The following MAML2 variants were observed in gnomAD, a reference collection of about 807,000 sequenced individuals.
MAML2 encodes mastermind-like protein 2.
Under a neutral mutation model 96.1 loss-of-function variants are expected in MAML2, and 22 were observed. The ratio of observed to expected loss-of-function variants is 0.23; its 90% CI spans 0.16 to 0.33. The LOEUF (loss-of-function observed/expected upper bound fraction) is 0.33. MAML2 is among the 10% of genes least tolerant of loss of function. The probability of loss-of-function intolerance (pLI) is 1.00; values close to 1 mark genes in which losing one functional copy is unlikely to be tolerated. For missense variants in MAML2, 1,367 were observed against 1,392.4 expected, an observed-to-expected ratio of 0.98 and a Z score of 0.29; for synonymous variants, 561 against 521.3, an observed-to-expected ratio of 1.08 and a Z score of -1.04.
At chr11:95,993,935 T>C (rs747296270) in intron 2 of MAML2, among the ~76,000 whole-genome samples, 1 of 152,218 alleles carries the variant, frequency 6.6e-6, no homozygotes, top group African/African-American at 2.4e-5. Context: ...CTTGTATTAT[T>C]AACCCAACTT....
chr11:96,079,696 T>A (rs1027398128), intron 2 of MAML2, among the ~76,000 whole-genome samples: 1 of 152,150 alleles, frequency 6.6e-6, no homozygotes, highest in Non-Finnish European at 1.5e-5. Context: ...TCTAACACTT[T>A]CCCCTTCACA....
chr11:95,989,205 A>C (rs1193513711), intron 3 of MAML2, among the ~76,000 whole-genome samples: 1 of 152,278 alleles, frequency 6.6e-6, no homozygotes, highest in Non-Finnish European at 1.5e-5. Context: ...TTGCCAACTG[A>C]CTGCAAATGA....
intron 1 of MAML2, among the ~76,000 whole-genome samples, chr11:96,329,068 A>G (rs1318453201): frequency 1.3e-5 from 2 of 152,178 alleles, no homozygotes; most frequent in Non-Finnish European, 2.9e-5. Context: ...AAGAGGCTCT[A>G]CAGAATATTT....
chr11:96,251,430 AGT>A (rs1456414387), intron 1 of MAML2, among the ~76,000 whole-genome samples: 1 of 152,208 alleles, frequency 6.6e-6, no homozygotes, highest in African/African-American at 2.4e-5. Context: ...TTTATGGGAA[AGT>A]GTATTGTGAG....
rs546246324 is a variant in MAML2 at position 96,282,248 on chromosome 11, C to CAA, written c.513+59133_513+59134dup. Among the ~76,000 whole-genome samples the CAA allele has an allele frequency of 5.1e-5, 7 of 136,946 alleles. 1 individual carries two copies. The highest frequency in any genetic ancestry group is 8.1e-5 in the Non-Finnish European group (5 of 61,750). 89.8% of individuals were successfully genotyped at this position (136,946 alleles called of 152,430 possible). The stretch of plus-strand genomic sequence containing the variant: ...TGGGCGACAGAGCAAGACTCCATCT[C>CAA]AAAAAAAAAATAATAATAATAATAA... On this transcript the variant is annotated intron_variant, in intron 1 of 4. Coordinates refer to ENST00000524717, the MANE Select transcript of MAML2 (RefSeq NM_032427.4).
chr11:96,041,287 T>A (rs1224746272), intron 2 of MAML2, among the ~76,000 whole-genome samples: 1 of 149,726 alleles, frequency 6.7e-6, no homozygotes, highest in Admixed American at 6.7e-5. Context: ...GGTCAGGAGT[T>A]CAAGACCAGC....
intron 1 of MAML2, among the ~76,000 whole-genome samples, chr11:96,143,983 C>G (rs1860773962): frequency 6.6e-6 from 1 of 152,156 alleles, no homozygotes; most frequent in Admixed American, 6.5e-5. Flanking sequence ...CACAATTGCA[C>G]TAAGTATCAT....
intron 2 of MAML2, among the ~76,000 whole-genome samples, chr11:96,082,330 A>G (rs1167051127): frequency 6.6e-6 from 1 of 152,204 alleles, no homozygotes; most frequent in Non-Finnish European, 1.5e-5. Flanking sequence ...ACAGTATGGT[A>G]AGAACTATAC....
At chr11:96,289,511 C>T (rs947237040) in intron 1 of MAML2, among the ~76,000 whole-genome samples, 1 of 152,166 alleles carries the variant, frequency 6.6e-6, no homozygotes, top group African/African-American at 2.4e-5. Flanking sequence ...TTTAATGCAT[C>T]TATAAATGTA....
At chr11:96,221,352 C>T (rs375001648) in intron 1 of MAML2, among the ~76,000 whole-genome samples, 7 of 152,218 alleles carry the variant, frequency 4.6e-5, no homozygotes, top group African/African-American at 1.2e-4. Context: ...TCAGAGATAG[C>T]GCTGGGCCTT....
chr11:96,153,536 G>T (rs974045784), intron 1 of MAML2, among the ~76,000 whole-genome samples: 1 of 152,072 alleles, frequency 6.6e-6, no homozygotes, highest in Admixed American at 6.6e-5. Flanking sequence ...GATTACTGAG[G>T]TTTTTGACAT....
At chr11:95,989,136 G>C (rs1857871626) in intron 3 of MAML2, among the ~76,000 whole-genome samples, 1 of 152,184 alleles carries the variant, frequency 6.6e-6, no homozygotes, top group South Asian at 2.1e-4. Flanking sequence ...GAGAATAATA[G>C]AGAATAAGGA....
Position 96,017,644 on chromosome 11 carries a change from G to T in MAML2, c.2140-25921C>A, listed in dbSNP as rs116964698. 3.0e-4 allele frequency among the ~76,000 whole-genome samples: 46 copies of T among 152,254 alleles called. No individual in the cohort carries two copies. In the East Asian group the frequency reaches 8.7e-3, roughly 29 times the overall value. ...GCTGGTACAGGTAGGAGTGGGTAGG[G>T]TGAGCAGAGAAGACTTCTAGGATAA... On this transcript the variant is annotated intron_variant, in intron 2 of 4. Coordinates refer to ENST00000524717, the MANE Select transcript of MAML2 (RefSeq NM_032427.4).
At chr11:96,331,971 G>C (rs1863860418) in intron 1 of MAML2, among the ~76,000 whole-genome samples, 1 of 152,180 alleles carries the variant, frequency 6.6e-6, no homozygotes, top group African/African-American at 2.4e-5. Flanking sequence ...GGGCAGGATA[G>C]AGATGAGAGA....
intron 1 of MAML2, among the ~76,000 whole-genome samples, chr11:96,317,666 G>C (rs766048810): frequency 6.6e-6 from 1 of 152,204 alleles, no homozygotes; most frequent in African/African-American, 2.4e-5. Context: ...GCTGCAGGCT[G>C]CCCAGCTTTG....
At chr11:96,125,144 C>T (rs985159642) in intron 1 of MAML2, among the ~76,000 whole-genome samples, 1 of 152,034 alleles carries the variant, frequency 6.6e-6, no homozygotes, top group Non-Finnish European at 1.5e-5. Context: ...ATGAGTTGCC[C>T]TTGAATGACC....
chr11:95,991,506 A>G lies in MAML2; in HGVS notation c.2343+14T>C, dbSNP rs1857911072. ...CAACAGGTTTGTTCAGTAGAAATTA[A>G]GAGAAAGTTTTACCGCGTCAGCCAG... On this transcript the variant is annotated intron_variant, in intron 3 of 4. Coordinates refer to ENST00000524717, the MANE Select transcript of MAML2 (RefSeq NM_032427.4). The G allele has an allele frequency of 1.2e-6, 2 of 1,612,898 alleles. No individual in the cohort carries two copies. The highest frequency in any genetic ancestry group is 4.5e-5 in the East Asian group (2 of 44,882).
intron 1 of MAML2, among the ~76,000 whole-genome samples, chr11:96,266,657 T>C (rs1295995634): frequency 6.6e-6 from 1 of 152,196 alleles, no homozygotes; most frequent in Non-Finnish European, 1.5e-5. Flanking sequence ...ACTGATTAAC[T>C]ATATCTCAAT....
intron 3 of MAML2, among the ~76,000 whole-genome samples, chr11:95,986,241 G>A (rs764652762): frequency 7.2e-5 from 11 of 152,086 alleles, no homozygotes; most frequent in Non-Finnish European, 1.6e-4. Flanking sequence ...GTCTTGCTCT[G>A]TCACCCAGAG....
Sources: gnomAD v4.1 joint callset for allele counts (sites outside exome capture counted in the v4.1 genomes callset) on GRCh38, gnomAD v4.1.1 for gene constraint, MANE v1.5 for transcripts, NCBI Gene and HGNC (gene_info 2026-07-23, HGNC 2026-07-21) for gene names.